Variants in SNTB2 observed in about 807,000 individuals in gnomAD.
The protein encoded by SNTB2 is beta-2-syntrophin.
SNTB2 carries 34 observed loss-of-function variants against 46.2 expected under a neutral mutation model. The ratio of observed to expected loss-of-function variants is 0.74; its 90% confidence interval spans 0.56 to 0.98. The LOEUF is 0.98. Among genes scored for constraint, SNTB2 ranks in the 50% least tolerant of loss-of-function variants. The probability of loss-of-function intolerance (pLI) is 0.00; values close to 1 mark genes in which losing one functional copy is unlikely to be tolerated. For missense variants in SNTB2, 603 were observed against 731.4 expected (o/e 0.82, Z 2.02); for synonymous variants, 290 against 312.6 (o/e 0.93, Z 0.76).
At chr16:69,295,919 C>A (rs1489949833) in intron 5 of SNTB2, among the ~76,000 whole-genome samples, 4 of 152,092 alleles carry the variant, frequency 2.6e-5, no homozygotes, top group African/African-American at 9.7e-5. Flanking sequence ...TTAATTGGTT[C>A]GATTTGGCAC....
chr16:69,208,376 A>G (rs1387242201), intron 1 of SNTB2, among the ~76,000 whole-genome samples: 4 of 151,638 alleles, frequency 2.6e-5, no homozygotes, highest in Admixed American at 6.6e-5. Flanking sequence ...ACTGCACTCC[A>G]GCCTGGGCAA....
At chr16:69,259,236 A>ATTTTTT (rs58387978) in intron 2 of SNTB2, among the ~76,000 whole-genome samples, 10 of 69,186 alleles carry the variant, frequency 1.4e-4, no homozygotes, top group South Asian at 4.4e-4. Context: ...GGTCTTTCTG[A>ATTTTTT]TTTTTTTTTT....
chr16:69,215,518 T>C (rs1964338753), intron 1 of SNTB2, among the ~76,000 whole-genome samples: 2 of 152,246 alleles, frequency 1.3e-5, no homozygotes, highest in South Asian at 4.1e-4. Flanking sequence ...ACCATTCTTC[T>C]GCTTCCAGGA....
intron 1 of SNTB2, among the ~76,000 whole-genome samples, chr16:69,244,990 C>T (rs1315349403): frequency 1.3e-5 from 2 of 152,152 alleles, no homozygotes; most frequent in East Asian, 3.8e-4. Flanking sequence ...AGAGAAAAAT[C>T]TGTCTTCAGA....
chr16:69,266,278 C>T (rs553471383), intron 3 of SNTB2, among the ~76,000 whole-genome samples: 45 of 152,142 alleles, frequency 3.0e-4, no homozygotes, highest in African/African-American at 1.1e-3. Flanking sequence ...GCAGGAGAAT[C>T]GCTTCAACCT....
chr16:69,252,491 G>C (rs1426822850), intron 2 of SNTB2, among the ~76,000 whole-genome samples: 1 of 152,202 alleles, frequency 6.6e-6, no homozygotes, highest in African/African-American at 2.4e-5. Flanking sequence ...GTAAATCCGT[G>C]TTCTTTGCAT....
chr16:69,297,560 G>A (rs1469895612), intron 5 of SNTB2, among the ~76,000 whole-genome samples: 1 of 151,386 alleles, frequency 6.6e-6, no homozygotes, highest in Non-Finnish European at 1.5e-5. Context: ...AGAGGTTGCA[G>A]TGAGCCAAGA....
At position 69,295,787 on chromosome 16, in the gene SNTB2, G is replaced by T. The variant is rs1251962798; in HGVS notation, c.1346-3803G>T. Among the ~76,000 whole-genome samples the T allele has an allele frequency of 2.6e-4, 39 of 150,966 alleles. 1 individual carries two copies. Among genetic ancestry groups the T allele is most frequent in the Admixed American group, 2.5e-3 (38 of 15,166 alleles). On this transcript the variant is annotated intron_variant, in intron 5 of 6. Coordinates refer to ENST00000336278, the MANE Select transcript of SNTB2 (RefSeq NM_006750.4). ...ACACACATAGCTGTTAAATCAGAAT[G>T]AAAGGCTTATTTCCCCTATCTCCCT...
chr16:69,285,356 CT>C (rs199516210), intron 5 of SNTB2, among the ~76,000 whole-genome samples: 3,145 of 131,770 alleles, frequency 0.024, 101 homozygotes, highest in African/African-American at 0.075. Flanking sequence ...GTTCATCTCT[CT>C]TTTTTTTTTT....
chr16:69,306,198 A>G lies in SNTB2; in HGVS notation c.*5274A>G, dbSNP rs537191632. 1 of 152,358 alleles carries G rather than the reference A, an allele frequency of 6.6e-6. No homozygotes were observed. The highest frequency in any genetic ancestry group is 2.1e-4 in the South Asian group (1 of 4,830). 9.4% of individuals were successfully genotyped at this position (152,358 alleles called of 1,614,324 possible). On this transcript the variant is annotated 3_prime_UTR_variant, in exon 7 of 7. Coordinates refer to ENST00000336278, the MANE Select transcript of SNTB2 (RefSeq NM_006750.4). ...AATTTCAAGTTAAGGATAAGGCACA[A>G]TAAATAGGCACATAGAGGACATCTG...
At chr16:69,266,179 A>G (rs1376910422) in intron 3 of SNTB2, among the ~76,000 whole-genome samples, 1 of 152,204 alleles carries the variant, frequency 6.6e-6, no homozygotes, top group Non-Finnish European at 1.5e-5. Flanking sequence ...AGCCTGGCCA[A>G]CATGGCTAAA....
At chr16:69,257,478 G>A (rs1964789940) in intron 2 of SNTB2, among the ~76,000 whole-genome samples, 1 of 150,600 alleles carries the variant, frequency 6.6e-6, no homozygotes, top group African/African-American at 2.4e-5. Context: ...ACGGAGTCTT[G>A]CTCTGCTGCC....
At chr16:69,222,202 C>A (rs1011908472) in intron 1 of SNTB2, among the ~76,000 whole-genome samples, 1 of 152,082 alleles carries the variant, frequency 6.6e-6, no homozygotes, top group Non-Finnish European at 1.5e-5. Flanking sequence ...TCTGCTTTTC[C>A]TTGACGTACA....
intron 3 of SNTB2, among the ~76,000 whole-genome samples, chr16:69,267,219 A>G (rs1195329948): frequency 2.0e-5 from 3 of 152,016 alleles, no homozygotes; most frequent in Non-Finnish European, 4.4e-5. Context: ...GGGTTTCACC[A>G]TGTTGGCCAG....
At chr16:69,187,968 G>C (rs919217161) in intron 1 of SNTB2, among the ~76,000 whole-genome samples, 1 of 152,174 alleles carries the variant, frequency 6.6e-6, no homozygotes, top group Non-Finnish European at 1.5e-5. Flanking sequence ...ACTCGGCTGA[G>C]ATTGAGTAAA....
intron 6 of SNTB2, among the ~76,000 whole-genome samples, chr16:69,300,585 A>G (rs1017659130): frequency 1.3e-5 from 2 of 152,102 alleles, no homozygotes; most frequent in African/African-American, 4.8e-5. Flanking sequence ...AGTTCTTCCT[A>G]CCAGGCATGG....
chr16:69,214,300 TTTTTGTA>T (rs766480912), intron 1 of SNTB2, among the ~76,000 whole-genome samples: 1 of 149,884 alleles, frequency 6.7e-6, no homozygotes, highest in Non-Finnish European at 1.5e-5. Context: ...CTGGCTAATT[TTTTTGTA>T]TTTTGTATTT....
intron 1 of SNTB2, among the ~76,000 whole-genome samples, chr16:69,241,352 T>C (rs1964612747): frequency 2.7e-5 from 4 of 149,596 alleles, no homozygotes; most frequent in Non-Finnish European, 5.9e-5. Flanking sequence ...AATTTTTATA[T>C]TTTTTAGTAG....
chr16:69,299,816 C>T, intron 6 of SNTB2, 42 bp downstream of exon 6: 1 of 1,555,598 alleles, frequency 6.4e-7, no homozygotes, highest in Non-Finnish European at 8.8e-7. Context: ...AATAGATGTT[C>T]TCTTTCCTTC....
Sources: allele counts gnomAD v4.1 joint callset (sites outside exome capture counted in the v4.1 genomes callset), GRCh38; gene constraint gnomAD v4.1.1; transcripts MANE v1.5; gene names NCBI Gene and HGNC (gene_info 2026-07-23, HGNC 2026-07-21).